The following SLC12A2 variants were observed in gnomAD, a reference collection of about 807,000 sequenced individuals.
SLC12A2 encodes the protein Na-K-2Cl cotransporter 1.
SLC12A2 carries 67 observed loss-of-function variants against 136.3 expected under a neutral mutation model. The ratio of observed to expected loss-of-function variants is 0.49; its 90% CI spans 0.40 to 0.60. The LOEUF (loss-of-function observed/expected upper bound fraction) is 0.60, where lower values mean the gene tolerates loss of function less well. Ranked by LOEUF, SLC12A2 falls within the 20% of genes least tolerant of loss-of-function variation. SLC12A2 has a pLI of 0.00. For missense variants in SLC12A2, 1,322 were observed against 1,534.7 expected, an observed-to-expected ratio of 0.86 and a Z score of 2.32; for synonymous variants, 619 against 562.9, an observed-to-expected ratio of 1.10 and a Z score of -1.41.
chr5:128,098,857 A>G (rs1370936667), intron 1 of SLC12A2, among the ~76,000 whole-genome samples: 3 of 152,046 alleles, frequency 2.0e-5, no homozygotes, highest in Non-Finnish European at 4.4e-5. Context: ...CCATCATTAT[A>G]CTTTTTCTGA....
chr5:128,117,933 A>G (rs914387041), intron 4 of SLC12A2, among the ~76,000 whole-genome samples: 3 of 152,184 alleles, frequency 2.0e-5, no homozygotes, highest in East Asian at 1.9e-4. Context: ...TCAAAACAAG[A>G]TGTACATATG....
At chr5:128,087,057 C>T (rs989566704) in intron 1 of SLC12A2, among the ~76,000 whole-genome samples, 3 of 152,236 alleles carry the variant, frequency 2.0e-5, no homozygotes, top group African/African-American at 7.2e-5. Context: ...TAAAATACTT[C>T]AGAAACTTGT....
At chr5:128,105,041 T>G (rs1358330156) in intron 1 of SLC12A2, among the ~76,000 whole-genome samples, 1 of 152,218 alleles carries the variant, frequency 6.6e-6, no homozygotes. Context: ...AATGGTTAAG[T>G]GTTTTCACTG....
intron 1 of SLC12A2, among the ~76,000 whole-genome samples, chr5:128,096,646 C>T (rs1024607101): frequency 2.6e-5 from 4 of 152,020 alleles, no homozygotes; most frequent in African/African-American, 4.8e-5. Context: ...TCTGGCAAAG[C>T]TGGGCAGGAC....
chr5:128,140,667 C>T (rs1479219542), intron 9 of SLC12A2, among the ~76,000 whole-genome samples: 2 of 149,952 alleles, frequency 1.3e-5, no homozygotes, highest in African/African-American at 5.1e-5. Context: ...GCCTCTACAC[C>T]AGTGGTTGTT....
chr5:128,093,861 A>G (rs2126643451), intron 1 of SLC12A2, among the ~76,000 whole-genome samples: 1 of 152,166 alleles, frequency 6.6e-6, no homozygotes, highest in African/African-American at 2.4e-5. Context: ...AAAACTGATC[A>G]TTGTTGCCCA....
chr5:128,099,744 A>G (rs2126651009), intron 1 of SLC12A2, among the ~76,000 whole-genome samples: 1 of 152,292 alleles, frequency 6.6e-6, no homozygotes, highest in African/African-American at 2.4e-5. Context: ...ACACAAGCAC[A>G]CACATTAGCC....
At position 128,171,717 on chromosome 5, in the gene SLC12A2, G is replaced by A; in HGVS notation, c.2774G>A (p.Gly925Asp). The change falls in exon 19 of 27, where the codon GGT (glycine) becomes GAT (aspartate). Residue 925 changes from glycine (G) to aspartate (D), a missense_variant. Around this residue, in one of 8 missense-constraint regions of SLC12A2, gnomAD observed 226 missense variants for 210.4 expected, o/e 1.07. Coordinates refer to ENST00000262461, the MANE Select transcript of SLC12A2 (RefSeq NM_001046.3). Reference protein sequence around the residue: ...YGVVVIRLKEGLDISHLQGQE... With the variant: ...YGVVVIRLKEDLDISHLQGQE... ...GTAGTGGTTATTCGCCTAAAAGAAG[G>A]TCTGGATATATCTCATCTTCAAGGA... is the stretch of plus-strand genomic sequence containing the variant. 1 of 1,589,990 alleles carries A rather than the reference G, an allele frequency of 6.3e-7. No homozygotes were observed. The highest frequency in any genetic ancestry group is 8.5e-7 in the Non-Finnish European group (1 of 1,171,874).
chr5:128,167,707 A>G lies in SLC12A2; in HGVS notation c.2617-54A>G. 13 of 1,294,318 alleles carry G rather than the reference A, an allele frequency of 1.0e-5. No homozygotes were observed. The South Asian group carries it at 1.8e-4, about 17-fold the overall frequency. The allele number at this position is 1,294,318 out of a possible 1,614,324, so 80.2% of individuals were successfully genotyped here. A position where few individuals can be genotyped will look rare whatever the true frequency, so the allele number is the denominator to read the frequency against. Reference sequence around the variant, plus strand: ...GGAGGACAGTTTTATCACTTCAGAAAACATTTTGTTGAAAATAATATATCT... The same window carrying G: ...GGAGGACAGTTTTATCACTTCAGAAGACATTTTGTTGAAAATAATATATCT... On this transcript the variant is annotated intron_variant, in intron 17 of 26. Transcript: ENST00000262461.
rs1352949623 is a variant in SLC12A2, at chr5:128,083,859, G to A, written c.-96G>A. On this transcript the variant is annotated 5_prime_UTR_variant, in exon 1 of 27. Coordinates refer to ENST00000262461, the MANE Select transcript of SLC12A2 (RefSeq NM_001046.3). ...GCGGGGAGAAAGACTCTCTCACCTGGTCTTGCGGCTGTGGCCACCGCCGGC... is the reference window on the plus strand; with the variant it reads ...GCGGGGAGAAAGACTCTCTCACCTGATCTTGCGGCTGTGGCCACCGCCGGC... 1.1e-6 allele frequency: 1 copy of A among 923,092 alleles called. No homozygotes were observed. The highest frequency in any genetic ancestry group is 1.7e-5 in the African/African-American group (1 of 58,138). The allele number at this position is 923,092 out of a possible 1,614,324, so 57.2% of individuals were successfully genotyped here. A position where few individuals can be genotyped will look rare whatever the true frequency, so the allele number is the denominator to read the frequency against.
At chr5:128,134,138 T>G in intron 5 of SLC12A2, 27 bp from the exon 6 acceptor site, 1 of 1,186,356 alleles carries the variant, frequency 8.4e-7, no homozygotes, top group Non-Finnish European at 1.3e-6. Context: ...TAGTATTGCT[T>G]ATTATATTTA....
chr5:128,090,875 G>A (rs954465756), intron 1 of SLC12A2, among the ~76,000 whole-genome samples: 11 of 152,156 alleles, frequency 7.2e-5, no homozygotes, highest in Admixed American at 3.3e-4. Context: ...GGGTAGTGAG[G>A]ACCAAATAGC....
In SLC12A2 at chr5:128,178,554, C is replaced by T. The variant is rs765401072; in HGVS notation, c.2978-13C>T. The T allele has an allele frequency of 7.8e-6, 12 of 1,541,562 alleles. No individual in the cohort carries two copies. The East Asian group carries it at 2.5e-4, about 33-fold the overall frequency. ...TACTTTGCTTACATTTTATATTTTG[C>T]TTAATCCTTTAGAATCCAAAGGCCC... is the stretch of plus-strand genomic sequence containing the variant. On this transcript the variant is annotated splice_polypyrimidine_tract_variant and intron_variant, in intron 21 of 26. Transcript: ENST00000262461.
At position 128,121,484 on chromosome 5, in the gene SLC12A2, G is replaced by A. The variant is rs551096419; in HGVS notation, c.1048+6803G>A. Among the ~76,000 whole-genome samples the A allele has an allele frequency of 1.4e-4, 22 of 151,884 alleles. No homozygotes were observed. In the East Asian group the frequency reaches 2.3e-3, roughly 16 times the overall value. On this transcript the variant is annotated intron_variant, in intron 4 of 26. Coordinates refer to ENST00000262461, the MANE Select transcript of SLC12A2 (RefSeq NM_001046.3). ...ACTACAGGTACCTGCCACCACGCCC[G>A]GCTAATTTTTTGTATTTTTAGTAGA...
At chr5:128,097,122 T>C (rs866032650) in intron 1 of SLC12A2, among the ~76,000 whole-genome samples, 1 of 152,112 alleles carries the variant, frequency 6.6e-6, no homozygotes. Flanking sequence ...ATTAACCTTT[T>C]TGAAAACCAA....
At chr5:128,126,960 ATATATATTTTTTTT>A (rs1761821601) in intron 4 of SLC12A2, among the ~76,000 whole-genome samples, 1 of 26,394 alleles carries the variant, frequency 3.8e-5, no homozygotes, top group African/African-American at 3.1e-4. Flanking sequence ...ATATATATAT[ATATATATTTTTTTT>A]TTTTTTTTTT....
chr5:128,131,388 G>A (rs975426900), intron 5 of SLC12A2, among the ~76,000 whole-genome samples, 182 bp downstream of exon 5: 4 of 152,214 alleles, frequency 2.6e-5, no homozygotes, highest in African/African-American at 9.6e-5. Flanking sequence ...AGTGGGCCGG[G>A]CGCGGTGGCT....
intron 1 of SLC12A2, among the ~76,000 whole-genome samples, chr5:128,090,376 CTTA>C (rs1189783201): frequency 6.6e-6 from 1 of 151,942 alleles, no homozygotes; most frequent in African/African-American, 2.4e-5. Context: ...TTTCTTGGTT[CTTA>C]TGTGTGGAGT....
chr5:128,168,831 G>T (rs1452860415), intron 18 of SLC12A2: 1 of 152,220 alleles, frequency 6.6e-6, no homozygotes, highest in Non-Finnish European at 1.5e-5. Flanking sequence ...CTCACCTTCT[G>T]CTGTGCAGCC....
Sources: allele counts gnomAD v4.1 joint callset (sites outside exome capture counted in the v4.1 genomes callset), GRCh38; gene constraint gnomAD v4.1.1; regional missense constraint gnomAD v4.1.1; transcripts MANE v1.5; gene names NCBI Gene and HGNC (gene_info 2026-07-23, HGNC 2026-07-21).